Variants in ARHGEF28 observed in about 807,000 individuals in gnomAD.
ARHGEF28 encodes the protein Rho guanine nucleotide exchange factor 28, also known as 190 kDa guanine nucleotide exchange factor.
A neutral mutation model predicts 206.6 loss-of-function variants in ARHGEF28; 152 were observed. The ratio of observed to expected loss-of-function variants is 0.74; its 90% CI spans 0.64 to 0.84. ARHGEF28 has a LOEUF of 0.84. Ranked by LOEUF, ARHGEF28 falls within the 40% of genes least tolerant of loss-of-function variation. The pLI is 0.00. For synonymous variants in ARHGEF28, 763 were observed against 776.4 expected, an observed-to-expected ratio of 0.98 and a Z score of 0.29; for missense variants, 2,028 against 2,073.2, an observed-to-expected ratio of 0.98 and a Z score of 0.42.
At chr5:73,807,481 G>A (rs115412338) in intron 9 of ARHGEF28, among the ~76,000 whole-genome samples, 7,874 of 150,474 alleles carry the variant, frequency 0.052, 282 homozygotes, top group African/African-American at 0.093. Flanking sequence ...CTTTGACAAT[G>A]TAATTCTTTT....
At chr5:73,931,777 T>C (rs1764135864) in intron 35 of ARHGEF28, among the ~76,000 whole-genome samples, 1 of 152,236 alleles carries the variant, frequency 6.6e-6, no homozygotes. Context: ...GTTGTGTTGT[T>C]TTCTCCAAGT....
rs150950218 is a variant in ARHGEF28 at position 73,790,413 on chromosome 5, T to C, written c.911-3989T>C. On this transcript the variant is annotated intron_variant, in intron 7 of 35. Coordinates refer to ENST00000513042, the MANE Select transcript of ARHGEF28 (RefSeq NM_001177693.2). ...ATGTCTTAAATTCTTTCTGAAACAA[T>C]ATAGAATAGAAATATAAAAATGATA... Among the ~76,000 whole-genome samples, 38 of 152,260 alleles carry C rather than the reference T, an allele frequency of 2.5e-4. No homozygotes were observed. The East Asian group carries it at 7.1e-3, about 29-fold the overall frequency.
intron 22 of ARHGEF28, among the ~76,000 whole-genome samples, chr5:73,876,048 A>G (rs961632842): frequency 2.7e-5 from 4 of 149,462 alleles, no homozygotes; most frequent in African/African-American, 5.0e-5. Context: ...CTTCCTACCC[A>G]TGAGCATAGA....
At chr5:73,715,365 A>T (rs189337536) in intron 2 of ARHGEF28, among the ~76,000 whole-genome samples, 1 of 152,250 alleles carries the variant, frequency 6.6e-6, no homozygotes, top group East Asian at 1.9e-4. Context: ...ACTCACTGCA[A>T]ATTCAAAGCC....
Position 73,934,778 on chromosome 5 carries a change from T to C in ARHGEF28, c.4949-6066T>C, listed in dbSNP as rs73762555. Among the ~76,000 whole-genome samples the C allele has an allele frequency of 7.2e-3, 1,098 of 152,312 alleles. 16 individuals carry two copies. Among genetic ancestry groups the C allele is most frequent in the African/African-American group, 0.025 (1,049 of 41,556 alleles). On this transcript the variant is annotated intron_variant, in intron 35 of 35. Transcript: ENST00000513042. ...ATGAGCCTATTAAAGTTCTGAGGGA[T>C]CTGTTGATTAACAAACTTGATTTAC...
intron 33 of ARHGEF28, among the ~76,000 whole-genome samples, chr5:73,907,214 C>T (rs1418523770): frequency 6.6e-6 from 1 of 152,162 alleles, no homozygotes; most frequent in Non-Finnish European, 1.5e-5. Context: ...AGTTTGAGCA[C>T]CAGCCATTAA....
chr5:73,641,953 G>A (rs951607957), intron 1 of ARHGEF28, among the ~76,000 whole-genome samples: 1 of 152,198 alleles, frequency 6.6e-6, no homozygotes, highest in Non-Finnish European at 1.5e-5. Flanking sequence ...TACTATTCCT[G>A]CTTTGCAGAT....
intron 20 of ARHGEF28, 95 bp from the exon 21 acceptor site, chr5:73,869,974 T>G: frequency 5.0e-6 from 7 of 1,399,910 alleles, no homozygotes; most frequent in Non-Finnish European, 6.8e-6. Flanking sequence ...TCATAGCAGA[T>G]TTATTTAGGG....
intron 9 of ARHGEF28, among the ~76,000 whole-genome samples, chr5:73,811,546 A>G (rs72770892): frequency 0.026 from 3,944 of 152,310 alleles, 90 homozygotes; most frequent in Non-Finnish European, 0.038. Context: ...GAGTGAATGT[A>G]AATGCTCTTC....
chr5:73,862,724 T>C (rs953841194), intron 16 of ARHGEF28, among the ~76,000 whole-genome samples: 7 of 152,148 alleles, frequency 4.6e-5, no homozygotes, highest in African/African-American at 1.2e-4. Context: ...TTTCCTAAGA[T>C]TATTATGTTT....
intron 31 of ARHGEF28, 59 bp from the exon 32 acceptor site, chr5:73,904,163 C>A: frequency 6.4e-7 from 1 of 1,569,688 alleles, no homozygotes. Context: ...TGGGACACTG[C>A]AGGGCAGCTT....
At chr5:73,763,314 A>G (rs1169980352) in intron 4 of ARHGEF28, among the ~76,000 whole-genome samples, 1 of 152,186 alleles carries the variant, frequency 6.6e-6, no homozygotes, top group African/African-American at 2.4e-5. Flanking sequence ...TTGAAGCTGT[A>G]GCTCATACCC....
intron 1 of ARHGEF28, among the ~76,000 whole-genome samples, chr5:73,645,288 C>T (rs1580434504): frequency 6.6e-6 from 1 of 152,120 alleles, no homozygotes. Flanking sequence ...GTAGCTGGGA[C>T]TGCAGACGTG....
At chr5:73,786,079 C>CA (rs2112470418) in intron 7 of ARHGEF28, among the ~76,000 whole-genome samples, 1 of 143,844 alleles carries the variant, frequency 7.0e-6, no homozygotes, top group South Asian at 2.2e-4. Context: ...AAAAAAAAGG[C>CA]AAAGAGAAAA....
At chr5:73,815,190 GTATATA>G (rs34284444) in intron 9 of ARHGEF28, among the ~76,000 whole-genome samples, 11,079 of 148,476 alleles carry the variant, frequency 0.075, 742 homozygotes, top group African/African-American at 0.17. Flanking sequence ...GATTCAGGGG[GTATATA>G]TATATATATA....
intron 1 of ARHGEF28, among the ~76,000 whole-genome samples, chr5:73,629,068 A>G (rs1743193937): frequency 6.6e-6 from 1 of 152,152 alleles, no homozygotes. Context: ...AAGTCTTACT[A>G]TGTGCCCAGC....
At chr5:73,774,096 T>C (rs1326195922) in intron 5 of ARHGEF28, 58 bp downstream of exon 5, 5 of 1,458,086 alleles carry the variant, frequency 3.4e-6, no homozygotes, top group Admixed American at 2.6e-5. Flanking sequence ...CCAAGCATTA[T>C]AGAAAAATGG....
chr5:73,875,110 TC>T (rs1359959605), intron 22 of ARHGEF28, among the ~76,000 whole-genome samples: 2 of 150,010 alleles, frequency 1.3e-5, no homozygotes, highest in Non-Finnish European at 3.0e-5. Flanking sequence ...TGATTGCCAT[TC>T]TAACTGGTGT....
At chr5:73,871,937 A>G (rs1760131359) in intron 21 of ARHGEF28, among the ~76,000 whole-genome samples, 1 of 152,184 alleles carries the variant, frequency 6.6e-6, no homozygotes, top group African/African-American at 2.4e-5. Context: ...TGGGTACACC[A>G]TTCCTTTTTA....
Sources: gnomAD v4.1 joint callset for allele counts (sites outside exome capture counted in the v4.1 genomes callset) on GRCh38, gnomAD v4.1.1 for gene constraint, MANE v1.5 for transcripts, NCBI Gene and HGNC (gene_info 2026-07-23, HGNC 2026-07-21) for gene names.